Variants in RAB27B observed in about 807,000 individuals in gnomAD.
RAB27B encodes ras-related protein Rab-27B.
In RAB27B, 15 loss-of-function variants were observed where a neutral mutation model predicts 24.6. The ratio of observed to expected loss-of-function variants is 0.61; its 90% CI spans 0.41 to 0.94. RAB27B has a LOEUF of 0.94. Among genes scored for constraint, RAB27B ranks in the 40% least tolerant of loss-of-function variants. The pLI, the probability that RAB27B is intolerant of heterozygous loss-of-function variation, is 0.00. For missense variants in RAB27B, 261 were observed against 266.8 expected, an observed-to-expected ratio of 0.98 and a Z score of 0.15; for synonymous variants, 105 against 92.5, an observed-to-expected ratio of 1.14 and a Z score of -0.78.
chr18:54,724,631 C>T lies in RAB27B; in HGVS notation c.-20+6490C>T, dbSNP rs546425439. 5.4e-5 allele frequency among the ~76,000 whole-genome samples: 8 copies of T among 147,928 alleles called. No homozygotes were observed. In the South Asian group the frequency reaches 1.5e-3, roughly 29 times the overall value. ...GGGAGAATTGCTTGAACCTGGGAGA[C>T]GAAGGTTGCAGTGAGCCGAGATCAC... On this transcript the variant is annotated intron_variant, in intron 2 of 4. Coordinates refer to the RAB27B transcript ENST00000586570.
chr18:54,815,354 T>C (rs1910089837), intron 2 of RAB27B, among the ~76,000 whole-genome samples: 1 of 152,220 alleles, frequency 6.6e-6, no homozygotes, highest in African/African-American at 2.4e-5. Context: ...TGTGCAGACA[T>C]AGCCATGTCA....
intron 2 of RAB27B, chr18:54,745,096 A>G: frequency 5.9e-6 from 1 of 168,546 alleles, no homozygotes; most frequent in East Asian, 1.8e-4. Flanking sequence ...GCAGCCTTCC[A>G]GGAGCTGCGT....
In RAB27B at chr18:54,783,203, G is replaced by A. The variant is rs1002109382; in HGVS notation, c.-20+65062G>A. Among the ~76,000 whole-genome samples the A allele has an allele frequency of 1.4e-4, 22 of 152,092 alleles. No homozygotes were observed. The East Asian group carries it at 3.3e-3, about 23-fold the overall frequency. Reference sequence around the variant, plus strand: ...GCTGGTCTTGAACTCCTGACCTCAAGTGATCCACACACCATGGCCTCCCAA... The same window carrying A: ...GCTGGTCTTGAACTCCTGACCTCAAATGATCCACACACCATGGCCTCCCAA... On this transcript the variant is annotated intron_variant, in intron 2 of 4. Coordinates refer to the RAB27B transcript ENST00000586570.
At chr18:54,752,859 A>G (rs1471115691) in intron 2 of RAB27B, among the ~76,000 whole-genome samples, 1 of 152,100 alleles carries the variant, frequency 6.6e-6, no homozygotes, top group Non-Finnish European at 1.5e-5. Flanking sequence ...TTTCCAAGCT[A>G]TCCACTTGGC....
upstream of RAB27B, among the ~76,000 whole-genome samples, chr18:54,827,217 T>C (rs546306957): frequency 3.9e-5 from 6 of 152,368 alleles, no homozygotes; most frequent in African/African-American, 1.4e-4. Flanking sequence ...TTTTAGGAAC[T>C]GGATCTTACT....
At chr18:54,759,845 G>A (rs114461554) in intron 2 of RAB27B, among the ~76,000 whole-genome samples, 1,745 of 152,194 alleles carry the variant, frequency 0.011, 40 homozygotes, top group African/African-American at 0.038. Context: ...AGGGACAGCC[G>A]TTTAGCCAGT....
intron 2 of RAB27B, among the ~76,000 whole-genome samples, chr18:54,732,981 T>G (rs376542134): frequency 9.2e-5 from 14 of 152,352 alleles, no homozygotes; most frequent in African/African-American, 3.4e-4. Context: ...TGCTTTAGAT[T>G]AGATCAACCA....
intron 2 of RAB27B, among the ~76,000 whole-genome samples, chr18:54,794,911 T>A (rs1298101309): frequency 8.2e-6 from 1 of 122,514 alleles, no homozygotes; most frequent in Non-Finnish European, 2.0e-5. Flanking sequence ...CTAAATTACA[T>A]GGCTGGTTAC....
At chr18:54,743,117 G>A (rs1910120070) in intron 2 of RAB27B, among the ~76,000 whole-genome samples, 1 of 152,178 alleles carries the variant, frequency 6.6e-6, no homozygotes, top group Non-Finnish European at 1.5e-5. Flanking sequence ...CTAAGCCAAT[G>A]ATTTTGTATC....
intron 2 of RAB27B, among the ~76,000 whole-genome samples, chr18:54,762,339 G>A (rs1908217092): frequency 6.6e-6 from 1 of 152,098 alleles, no homozygotes; most frequent in Non-Finnish European, 1.5e-5. Context: ...ACAGAAGTGT[G>A]CCACCAAGCC....
intron 2 of RAB27B, among the ~76,000 whole-genome samples, chr18:54,812,705 A>G (rs1427608132): frequency 6.6e-6 from 1 of 152,150 alleles, no homozygotes; most frequent in East Asian, 1.9e-4. Context: ...TTAATTAACA[A>G]GGACATTTTA....
At chr18:54,727,784 G>A (rs187081787) in intron 2 of RAB27B, among the ~76,000 whole-genome samples, 1 of 152,220 alleles carries the variant, frequency 6.6e-6, no homozygotes, top group East Asian at 1.9e-4. Context: ...ACTGCTTATA[G>A]TTATATGTTT....
chr18:54,787,580 C>T (rs571567705), intron 2 of RAB27B, among the ~76,000 whole-genome samples: 2 of 152,222 alleles, frequency 1.3e-5, no homozygotes, highest in Non-Finnish European at 1.5e-5. Flanking sequence ...TATGCAAACA[C>T]ACACACAAAC....
intron 2 of RAB27B, among the ~76,000 whole-genome samples, chr18:54,759,992 G>A (rs1303322230): frequency 6.6e-6 from 1 of 152,148 alleles, no homozygotes; most frequent in Non-Finnish European, 1.5e-5. Context: ...CACCAAACAA[G>A]AGCTCGGGAT....
chr18:54,813,610 A>G (rs934254758), intron 2 of RAB27B, among the ~76,000 whole-genome samples: 28 of 152,280 alleles, frequency 1.8e-4, no homozygotes, highest in African/African-American at 6.3e-4. Flanking sequence ...TAAGCTTCCC[A>G]AGGCCTTGCC....
chr18:54,750,514 C>T (rs1907798395), intron 2 of RAB27B, among the ~76,000 whole-genome samples: 1 of 151,918 alleles, frequency 6.6e-6, no homozygotes, highest in East Asian at 1.9e-4. Flanking sequence ...AAACAAAGAC[C>T]CAGCCTTTGA....
At chr18:54,735,762 T>G (rs140336867) in intron 2 of RAB27B, among the ~76,000 whole-genome samples, 6,644 of 152,266 alleles carry the variant, frequency 0.044, 215 homozygotes, top group Middle Eastern at 0.12. Context: ...CCTCAGGTGA[T>G]CCACCCACCT....
chr18:54,882,391 C>A (rs890081288), intron 3 of RAB27B, among the ~76,000 whole-genome samples: 2 of 152,160 alleles, frequency 1.3e-5, no homozygotes, highest in African/African-American at 4.8e-5. Context: ...AAACACAGCT[C>A]CCTTCCCCTT....
intron 2 of RAB27B, among the ~76,000 whole-genome samples, chr18:54,730,597 C>T (rs1392750174): frequency 1.3e-4 from 19 of 151,952 alleles, no homozygotes; most frequent in Admixed American, 9.2e-4. Flanking sequence ...GGGTTGATGC[C>T]TCATGAATGG....
Sources: gnomAD v4.1 joint callset for allele counts (sites outside exome capture counted in the v4.1 genomes callset) on GRCh38, gnomAD v4.1.1 for gene constraint, MANE v1.5 for transcripts, NCBI Gene and HGNC (gene_info 2026-07-23, HGNC 2026-07-21) for gene names.